The following LARGE1 variants were observed in gnomAD, a reference collection of about 807,000 sequenced individuals.
The protein encoded by LARGE1 is xylosyl- and glucuronyltransferase LARGE1.
A neutral mutation model predicts 87.6 loss-of-function variants in LARGE1; 43 were observed. The ratio of observed to expected loss-of-function variants is 0.49; its 90% CI spans 0.38 to 0.63. LARGE1 has a LOEUF of 0.63. Among genes scored for constraint, LARGE1 ranks in the 30% least tolerant of loss-of-function variants. LARGE1 has a pLI of 0.00. For synonymous variants in LARGE1, 434 were observed against 394.6 expected, an observed-to-expected ratio of 1.10 and a Z score of -1.18; for missense variants, 802 against 1,000.2, an observed-to-expected ratio of 0.80 and a Z score of 2.67.
At chr22:33,674,882 G>C (rs1031872570) in intron 2 of LARGE1, among the ~76,000 whole-genome samples, 4 of 152,014 alleles carry the variant, frequency 2.6e-5, no homozygotes, top group African/African-American at 9.7e-5. Flanking sequence ...TCTCTCTTCT[G>C]CTGAGTGCAG....
intron 6 of LARGE1, among the ~76,000 whole-genome samples, chr22:33,472,956 C>T (rs962667914): frequency 6.6e-6 from 1 of 152,202 alleles, no homozygotes; most frequent in Non-Finnish European, 1.5e-5. Flanking sequence ...GATGCCTGCA[C>T]AAGATCATTT....
chr22:33,669,931 T>C (rs866005536), intron 2 of LARGE1, among the ~76,000 whole-genome samples: 30 of 152,342 alleles, frequency 2.0e-4, no homozygotes, highest in Middle Eastern at 6.8e-3. Context: ...TTGTTGGTAT[T>C]ATAATTCATG....
intron 9 of LARGE1, among the ~76,000 whole-genome samples, chr22:33,363,623 T>C (rs1320539039): frequency 6.7e-6 from 1 of 149,658 alleles, no homozygotes; most frequent in East Asian, 1.9e-4. Flanking sequence ...CCTAACTCCA[T>C]ACCATGTTTT....
intron 9 of LARGE1, among the ~76,000 whole-genome samples, chr22:33,372,466 A>C (rs999425924): frequency 2.0e-5 from 3 of 152,222 alleles, no homozygotes; most frequent in Non-Finnish European, 4.4e-5. Flanking sequence ...GTGGTTGAGG[A>C]GGCCTCACAA....
intron 3 of LARGE1, among the ~76,000 whole-genome samples, chr22:33,649,620 C>T (rs770526483): frequency 2.0e-5 from 3 of 152,188 alleles, no homozygotes; most frequent in Non-Finnish European, 4.4e-5. Flanking sequence ...AGGGTACTCT[C>T]TGCATAAATC....
the LARGE1 span, among the ~76,000 whole-genome samples, chr22:33,071,411 T>C: frequency 6.6e-6 from 1 of 152,342 alleles, no homozygotes; most frequent in South Asian, 2.1e-4. Context: ...TGTGTCATGA[T>C]GCTGTGATGT....
At chr22:33,594,567 C>T (rs948068173) in intron 5 of LARGE1, among the ~76,000 whole-genome samples, 3 of 152,090 alleles carry the variant, frequency 2.0e-5, no homozygotes, top group Admixed American at 2.0e-4. Flanking sequence ...GTTTTGATCC[C>T]AACTCCGTCA....
intron 5 of LARGE1, among the ~76,000 whole-genome samples, chr22:33,590,411 T>C (rs2078801996): frequency 2.0e-5 from 3 of 152,204 alleles, no homozygotes; most frequent in Admixed American, 6.5e-5. Context: ...TTATGCATTC[T>C]TCGAGAAAAA....
At chr22:33,556,538 AGGAGGGAGGGAGGGAG>A (rs769770874) in intron 6 of LARGE1, among the ~76,000 whole-genome samples, 2 of 72,574 alleles carry the variant, frequency 2.8e-5, no homozygotes, top group Non-Finnish European at 4.6e-5. Flanking sequence ...GAGGGAGGGA[AGGAGGGAGGGAGGGAG>A]GGAGGGAGGG....
At chr22:33,427,531 T>C (rs2066921087) in intron 7 of LARGE1, among the ~76,000 whole-genome samples, 4 of 152,222 alleles carry the variant, frequency 2.6e-5, no homozygotes, top group Admixed American at 2.0e-4. Flanking sequence ...GTTTATAAGA[T>C]AATTCAAGGA....
chr22:33,466,891 T>A (rs964243696), intron 6 of LARGE1, among the ~76,000 whole-genome samples: 4 of 151,916 alleles, frequency 2.6e-5, no homozygotes, highest in Non-Finnish European at 5.9e-5. Flanking sequence ...ACAAAAAAAA[T>A]TAGCTGAGCG....
intron 1 of LARGE1, among the ~76,000 whole-genome samples, chr22:33,870,328 G>A (rs911439278): frequency 6.6e-6 from 1 of 152,196 alleles, no homozygotes; most frequent in Non-Finnish European, 1.5e-5. Context: ...CATTTCTGTT[G>A]TTTTGAGCCA....
intron 2 of LARGE1, among the ~76,000 whole-genome samples, chr22:33,686,560 A>AT (rs56156771): frequency 7.5e-6 from 1 of 132,802 alleles, no homozygotes. Context: ...AAAAAAAAAA[A>AT]AAAAAACAAA....
intron 1 of LARGE1, among the ~76,000 whole-genome samples, chr22:33,915,042 C>G (rs4994873): frequency 0.22 from 29,911 of 136,802 alleles, 3,720 homozygotes; most frequent in African/African-American, 0.36. Context: ...CACACACACA[C>G]AGAGAGAGAG....
intron 1 of LARGE1, among the ~76,000 whole-genome samples, chr22:33,793,142 G>A (rs1330150280): frequency 1.3e-5 from 2 of 152,204 alleles, no homozygotes; most frequent in Admixed American, 1.3e-4. Context: ...AGTGTTCAAT[G>A]TGGCATTATT....
chr22:33,532,089 A>G (rs1331563791), intron 6 of LARGE1, among the ~76,000 whole-genome samples: 1 of 152,218 alleles, frequency 6.6e-6, no homozygotes, highest in East Asian at 1.9e-4. Flanking sequence ...CATTTAATTA[A>G]CACTTGCTAA....
chr22:33,158,131 A>G (rs1384589729), downstream of LARGE1, among the ~76,000 whole-genome samples: 4 of 152,106 alleles, frequency 2.6e-5, no homozygotes, highest in South Asian at 8.3e-4. Flanking sequence ...AGAATGAGAG[A>G]AGGGAAATGA....
intron 12 of LARGE1, among the ~76,000 whole-genome samples, chr22:33,294,463 G>C (rs1157044537): frequency 6.6e-6 from 1 of 152,198 alleles, no homozygotes; most frequent in Non-Finnish European, 1.5e-5. Flanking sequence ...AAAGGGGACA[G>C]GAGGAGATAA....
intron 7 of LARGE1, among the ~76,000 whole-genome samples, chr22:33,386,892 A>G (rs1288918402): frequency 6.7e-6 from 1 of 148,404 alleles, no homozygotes; most frequent in Admixed American, 6.7e-5. Context: ...ACTTGAGGTC[A>G]GGAGTTCAAG....
Sources: gnomAD v4.1 joint callset for allele counts (sites outside exome capture counted in the v4.1 genomes callset) on GRCh38, gnomAD v4.1.1 for gene constraint, MANE v1.5 for transcripts, NCBI Gene and HGNC (gene_info 2026-07-23, HGNC 2026-07-21) for gene names.